Variants in CHN1 observed in about 807,000 individuals in gnomAD.
CHN1 encodes the protein chimerin 1.
Under a neutral mutation model 59.5 loss-of-function variants are expected in CHN1, and 37 were observed. The observed-to-expected ratio is 0.62, with a 90% CI of 0.48 to 0.82. The LOEUF (loss-of-function observed/expected upper bound fraction) is 0.82, where lower values mean the gene tolerates loss of function less well. Among genes scored for constraint, CHN1 ranks in the 40% least tolerant of loss-of-function variants. The pLI is 0.00. For synonymous variants in CHN1, 206 were observed against 200.4 expected, an observed-to-expected ratio of 1.03 and a Z score of -0.24; for missense variants, 469 against 571.0, an observed-to-expected ratio of 0.82 and a Z score of 1.82.
intron 5 of CHN1, among the ~76,000 whole-genome samples, chr2:174,890,879 T>C (rs1688022711): frequency 6.6e-6 from 1 of 152,012 alleles, no homozygotes. Flanking sequence ...TCATACCAAG[T>C]ATCTTTTCTG....
At chr2:174,851,364 C>A (rs754890109) in intron 6 of CHN1, among the ~76,000 whole-genome samples, 137 of 152,266 alleles carry the variant, frequency 9.0e-4, no homozygotes, top group Non-Finnish European at 1.5e-3. Context: ...ACTGCAGCCT[C>A]AACCTCCTGG....
chr2:174,819,332 G>A (rs1258760771), intron 8 of CHN1, among the ~76,000 whole-genome samples: 3 of 152,188 alleles, frequency 2.0e-5, no homozygotes, highest in East Asian at 3.8e-4. Flanking sequence ...TTATTATTAG[G>A]AGAACTGCTG....
rs188757242 is a variant in CHN1, at chr2:174,917,160, C to T, written c.146+1374G>A. 2.8e-4 allele frequency among the ~76,000 whole-genome samples: 42 copies of T among 152,204 alleles called. 1 individual carries two copies. The East Asian group carries it at 7.0e-3, about 25-fold the overall frequency. ...TTAAAACCTCATTGCAGTCCAGGTG[C>T]GGTGGCTCACGCCTATAATCCCAAC... On this transcript the variant is annotated intron_variant, in intron 4 of 12. Coordinates refer to ENST00000409900, the MANE Select transcript of CHN1 (RefSeq NM_001822.7).
chr2:174,824,305 C>T (rs1199848079), intron 8 of CHN1, 129 bp downstream of exon 8: 1 of 548,022 alleles, frequency 1.8e-6, no homozygotes, highest in Non-Finnish European at 3.1e-6. Context: ...GAGAATCTGG[C>T]CTACTGCATG....
At chr2:174,965,325 A>G (rs1690561227) in intron 1 of CHN1, among the ~76,000 whole-genome samples, 1 of 152,110 alleles carries the variant, frequency 6.6e-6, no homozygotes, top group Non-Finnish European at 1.5e-5. Context: ...GTATCATTAT[A>G]TAATCTATAT....
In CHN1 at chr2:174,997,402, C is replaced by T. The variant is rs187350494; in HGVS notation, c.19+7492G>A. ...AGTATAATTGCCTCAATCAAAATGC[C>T]TGCCCTATGTTTTTACTACTTTAAG... On this transcript the variant is annotated intron_variant, in intron 1 of 12. Coordinates refer to ENST00000409900, the MANE Select transcript of CHN1 (RefSeq NM_001822.7). 5.5e-3 allele frequency among the ~76,000 whole-genome samples: 837 copies of T among 152,256 alleles called. 2 individuals are homozygous for T. Among genetic ancestry groups the T allele is most frequent in the Non-Finnish European group, 8.9e-3 (606 of 68,008 alleles).
At chr2:174,871,911 T>G (rs1157132228) in intron 6 of CHN1, among the ~76,000 whole-genome samples, 3 of 152,196 alleles carry the variant, frequency 2.0e-5, no homozygotes, top group Middle Eastern at 3.2e-3. Flanking sequence ...CAATTAATTT[T>G]GATAGGAGAT....
chr2:174,867,025 C>T (rs1687237624), intron 6 of CHN1, among the ~76,000 whole-genome samples: 2 of 150,932 alleles, frequency 1.3e-5, no homozygotes, highest in African/African-American at 4.9e-5. Context: ...TCTAAACTTA[C>T]AAAGACTGTT....
At chr2:174,910,393 T>TC (rs1359628484) in intron 5 of CHN1, among the ~76,000 whole-genome samples, 4 of 152,098 alleles carry the variant, frequency 2.6e-5, no homozygotes, top group Non-Finnish European at 5.9e-5. Context: ...ATAAAGAATT[T>TC]TTTTTTTTTA....
At chr2:174,857,990 T>G (rs1686957651) in intron 6 of CHN1, among the ~76,000 whole-genome samples, 1 of 152,094 alleles carries the variant, frequency 6.6e-6, no homozygotes. Flanking sequence ...TTATTAGGAG[T>G]GTTTTCAGAT....
chr2:174,805,983 ATT>A (rs1315771007), intron 11 of CHN1, among the ~76,000 whole-genome samples: 2 of 152,082 alleles, frequency 1.3e-5, no homozygotes, highest in African/African-American at 4.8e-5. Flanking sequence ...CCAGAGGAAG[ATT>A]TCTCCCCTCA....
In CHN1 at chr2:175,005,296, C is replaced by T. The variant is rs1231137278; in HGVS notation, c.-384G>A. On this transcript the variant is annotated 5_prime_UTR_variant, in exon 1 of 13. Coordinates refer to ENST00000409900, the MANE Select transcript of CHN1 (RefSeq NM_001822.7). ...GCGGCGGCGGCGACGGGGAGAGCAG[C>T]AGCAGCCTCGCACAGCCCCCGGCGG... is the stretch of plus-strand genomic sequence containing the variant. The T allele has an allele frequency of 1.7e-6, 2 of 1,202,208 alleles. No homozygotes were observed. The highest frequency in any genetic ancestry group is 1.1e-6 in the Non-Finnish European group (1 of 951,770). 74.5% of individuals were successfully genotyped at this position (1,202,208 alleles called of 1,614,324 possible).
intron 6 of CHN1, chr2:174,875,689 A>T (rs1687545690): frequency 1.2e-5 from 5 of 404,120 alleles, no homozygotes; most frequent in Middle Eastern, 1.4e-3. Flanking sequence ...TTCACAGACA[A>T]GAGGGGTTTT....
chr2:174,979,061 A>G (rs867451816), intron 1 of CHN1, among the ~76,000 whole-genome samples: 1 of 152,224 alleles, frequency 6.6e-6, no homozygotes, highest in Non-Finnish European at 1.5e-5. Context: ...AGGGTTGAAG[A>G]AAGACATTAA....
rs1686561334 is a variant in CHN1, at chr2:174,847,433, ATC to A, written c.550-478_550-477del. 5.8e-6 allele frequency: 7 copies of A among 1,198,904 alleles called. No individual in the cohort carries two copies. In the South Asian group the frequency reaches 1.1e-4, roughly 19 times the overall value. The allele number at this position is 1,198,904 out of a possible 1,614,324, so 74.3% of individuals were successfully genotyped here. On this transcript the variant is annotated intron_variant, in intron 6 of 12. Transcript: ENST00000409900. Reference sequence around the variant, plus strand: ...GATGCTAACATACAAAACACTCAGCATCTCTCTTTATCATTTTTTAAAAGGCA... The same window carrying A: ...GATGCTAACATACAAAACACTCAGCATCTCTTTATCATTTTTTAAAAGGCA...
At chr2:174,848,292 C>A (rs1686608438) in intron 6 of CHN1, among the ~76,000 whole-genome samples, 1 of 152,222 alleles carries the variant, frequency 6.6e-6, no homozygotes, top group South Asian at 2.1e-4. Flanking sequence ...TTGCACAGAT[C>A]TCAATTATAG....
chr2:174,968,268 A>G (rs936935392), intron 1 of CHN1, among the ~76,000 whole-genome samples: 5 of 152,186 alleles, frequency 3.3e-5, no homozygotes, highest in South Asian at 2.1e-4. Context: ...TTTAAACTGG[A>G]TATCTCTGGG....
At chr2:174,904,477 C>T (rs2105359797) in intron 5 of CHN1, among the ~76,000 whole-genome samples, 3 of 151,966 alleles carry the variant, frequency 2.0e-5, no homozygotes, top group East Asian at 2.0e-4. Context: ...CAACCTCCAC[C>T]TCCCAGGTTC....
chr2:174,981,289 C>A (rs895391788), intron 1 of CHN1, among the ~76,000 whole-genome samples: 5 of 152,192 alleles, frequency 3.3e-5, no homozygotes, highest in African/African-American at 1.2e-4. Flanking sequence ...AAAAAAAATT[C>A]ATGGGTGTGG....
Sources: allele counts gnomAD v4.1 joint callset (sites outside exome capture counted in the v4.1 genomes callset), GRCh38; gene constraint gnomAD v4.1.1; transcripts MANE v1.5; gene names NCBI Gene and HGNC (gene_info 2026-07-23, HGNC 2026-07-21).